The following B3GALT1 variants were observed in gnomAD, a reference collection of about 807,000 sequenced individuals.
The protein encoded by B3GALT1 is beta-1,3-galactosyltransferase 1.
B3GALT1 carries 10 observed loss-of-function variants against 23.2 expected under a neutral mutation model. That is an observed-to-expected ratio of 0.43 (90% CI 0.27 to 0.73). B3GALT1 has a LOEUF of 0.73. B3GALT1 is among the 30% of genes least tolerant of loss of function. B3GALT1 has a pLI of 0.21. For synonymous variants in B3GALT1, 156 were observed against 141.5 expected, an observed-to-expected ratio of 1.10 and a Z score of -0.73; for missense variants, 299 against 405.4, an observed-to-expected ratio of 0.74 and a Z score of 2.25.
At chr2:167,533,634 A>G (rs1683368457) in intron 2 of B3GALT1, among the ~76,000 whole-genome samples, 1 of 152,202 alleles carries the variant, frequency 6.6e-6, no homozygotes, top group Admixed American at 6.5e-5. Context: ...CTATCATTAT[A>G]CATGTAACTA....
At chr2:167,611,477 G>T (rs1184343871) in intron 2 of B3GALT1, among the ~76,000 whole-genome samples, 1 of 151,916 alleles carries the variant, frequency 6.6e-6, no homozygotes, top group African/African-American at 2.4e-5. Flanking sequence ...AATTATGAAA[G>T]TGTTGAAAAG....
chr2:167,843,342 G>A (rs533363403), intron 4 of B3GALT1, among the ~76,000 whole-genome samples: 1 of 152,150 alleles, frequency 6.6e-6, no homozygotes, highest in Non-Finnish European at 1.5e-5. Flanking sequence ...GCTCCATTTA[G>A]ACCAGGGCAA....
intron 3 of B3GALT1, among the ~76,000 whole-genome samples, chr2:167,672,545 A>G (rs932349265): frequency 1.3e-5 from 2 of 152,144 alleles, no homozygotes; most frequent in African/African-American, 2.4e-5. Flanking sequence ...TACAGTGATT[A>G]AGAGCCAGAT....
chr2:167,296,442 G>A (rs1696351123), intron 1 of B3GALT1, among the ~76,000 whole-genome samples: 1 of 152,132 alleles, frequency 6.6e-6, no homozygotes, highest in African/African-American at 2.4e-5. Context: ...TAGTAAATCA[G>A]AAGTTCATTC....
chr2:167,842,695 G>A (rs1011440389), intron 4 of B3GALT1, among the ~76,000 whole-genome samples: 1 of 151,990 alleles, frequency 6.6e-6, no homozygotes, highest in Non-Finnish European at 1.5e-5. Flanking sequence ...GCAACATGAC[G>A]AAACTCCGTC....
At position 167,400,988 on chromosome 2, in the gene B3GALT1, G is replaced by C. The variant is rs138610405; in HGVS notation, c.-510-89189G>C. On this transcript the variant is annotated intron_variant, in intron 1 of 4. Coordinates refer to ENST00000392690, the MANE Select transcript of B3GALT1 (RefSeq NM_020981.4). ...CTACTTTTTAGTCCCCTTTTTCTCT[G>C]CTCAGATATGTAATCAGCTTAATTG... is the stretch of plus-strand genomic sequence containing the variant. 2.5e-4 allele frequency among the ~76,000 whole-genome samples: 38 copies of C among 152,150 alleles called. 1 individual carries two copies. The East Asian group carries it at 7.4e-3, about 29-fold the overall frequency.
intron 1 of B3GALT1, among the ~76,000 whole-genome samples, chr2:167,475,709 G>C (rs1699475991): frequency 6.6e-6 from 1 of 152,106 alleles, no homozygotes; most frequent in Non-Finnish European, 1.5e-5. Flanking sequence ...ATTCCCCACA[G>C]ATAAGGGGGT....
intron 1 of B3GALT1, among the ~76,000 whole-genome samples, chr2:167,358,370 G>A (rs946751756): frequency 2.0e-5 from 3 of 152,114 alleles, no homozygotes; most frequent in African/African-American, 7.2e-5. Context: ...TGATTACATC[G>A]GCAGATTAGG....
chr2:167,558,769 T>C (rs1279951518), intron 2 of B3GALT1, among the ~76,000 whole-genome samples: 4 of 152,180 alleles, frequency 2.6e-5, no homozygotes, highest in African/African-American at 4.8e-5. Context: ...GCGCCCACCA[T>C]TGCCCAGGCT....
intron 1 of B3GALT1, among the ~76,000 whole-genome samples, chr2:167,431,993 C>T (rs1347226011): frequency 6.6e-6 from 1 of 152,134 alleles, no homozygotes; most frequent in African/African-American, 2.4e-5. Flanking sequence ...AGAATTTACT[C>T]TTAAATCATG....
chr2:167,443,078 C>T (rs1698920495), intron 1 of B3GALT1, among the ~76,000 whole-genome samples: 1 of 151,944 alleles, frequency 6.6e-6, no homozygotes, highest in Non-Finnish European at 1.5e-5. Flanking sequence ...GATCCAGTTT[C>T]AGCTTTCTAC....
intron 1 of B3GALT1, among the ~76,000 whole-genome samples, chr2:167,316,755 T>C (rs1332698940): frequency 6.6e-6 from 1 of 152,136 alleles, no homozygotes; most frequent in Non-Finnish European, 1.5e-5. Flanking sequence ...ACACACTTGA[T>C]TGGCTTCCAC....
At chr2:167,749,743 T>C (rs1391398904) in intron 3 of B3GALT1, among the ~76,000 whole-genome samples, 1 of 152,212 alleles carries the variant, frequency 6.6e-6, no homozygotes. Flanking sequence ...AGTTTCAAGA[T>C]TGTGACATTT....
At chr2:167,648,065 T>G (rs1319123263) in intron 3 of B3GALT1, among the ~76,000 whole-genome samples, 1 of 152,154 alleles carries the variant, frequency 6.6e-6, no homozygotes, top group African/African-American at 2.4e-5. Context: ...GCCACTAAAT[T>G]TTATGCTTAT....
At chr2:167,741,529 TATA>T (rs796270738) in intron 3 of B3GALT1, among the ~76,000 whole-genome samples, 10 of 152,224 alleles carry the variant, frequency 6.6e-5, no homozygotes, top group African/African-American at 2.2e-4. Context: ...TTATTTAGAA[TATA>T]ATAATAATAG....
chr2:167,478,673 C>T (rs1027526757), intron 1 of B3GALT1, among the ~76,000 whole-genome samples: 9 of 151,906 alleles, frequency 5.9e-5, no homozygotes, highest in Admixed American at 2.0e-4. Context: ...CCCATTAACT[C>T]GTCATTTACA....
chr2:167,373,359 GT>G (rs1697714208), intron 1 of B3GALT1, among the ~76,000 whole-genome samples: 1 of 151,974 alleles, frequency 6.6e-6, no homozygotes, highest in Non-Finnish European at 1.5e-5. Context: ...TAAGTAAATT[GT>G]TTTTTATCTA....
chr2:167,753,693 A>G (rs1284132533), intron 3 of B3GALT1, among the ~76,000 whole-genome samples: 1 of 152,188 alleles, frequency 6.6e-6, no homozygotes, highest in Non-Finnish European at 1.5e-5. Context: ...TTAATTGCAC[A>G]AAATTTGCTT....
intron 2 of B3GALT1, among the ~76,000 whole-genome samples, chr2:167,531,012 G>A (rs1683316944): frequency 6.6e-6 from 1 of 152,160 alleles, no homozygotes; most frequent in Admixed American, 6.5e-5. Context: ...GCCATTTCAA[G>A]TACTTTAGGG....
Sources: gnomAD v4.1 joint callset for allele counts (sites outside exome capture counted in the v4.1 genomes callset) on GRCh38, gnomAD v4.1.1 for gene constraint, MANE v1.5 for transcripts, NCBI Gene and HGNC (gene_info 2026-07-23, HGNC 2026-07-21) for gene names.